Variants in SPOCD1 observed in about 807,000 individuals in gnomAD.
The protein encoded by SPOCD1 is SPOC domain containing 1.
Under a neutral mutation model 92.2 loss-of-function variants are expected in SPOCD1, and 64 were observed. That is an observed-to-expected ratio of 0.69 (90% confidence interval 0.57 to 0.86). The LOEUF is 0.86. Ranked by LOEUF, SPOCD1 falls within the 40% of genes least tolerant of loss-of-function variation. SPOCD1 has a pLI of 0.00. For synonymous variants in SPOCD1, 578 were observed against 619.3 expected, an observed-to-expected ratio of 0.93 and a Z score of 0.99; for missense variants, 1,360 against 1,543.1, an observed-to-expected ratio of 0.88 and a Z score of 1.99.
At chr1:31,801,756 C>CCAT in intron 2 of SPOCD1, 51 bp from the exon 3 acceptor site, 1 of 1,448,160 alleles carries the variant, frequency 6.9e-7, no homozygotes, top group Non-Finnish European at 9.7e-7. Flanking sequence ...CCCAGCCACC[C>CCAT]CATGGCAGGG....
rs200305003 is a variant in SPOCD1, at chr1:31,790,978, G to C, written c.3276C>G (p.Gly1092=). 6.3e-7 allele frequency: 1 copy of C among 1,578,440 alleles called. No individual in the cohort carries two copies. Among genetic ancestry groups the C allele is most frequent in the African/African-American group, 1.4e-5 (1 of 73,766 alleles). ...GISAWQRPPR[G]RGRLWPEPEN... ...CAGGCTCTGGCCAGAGCCTCCCCCT[G>C]CCTCTGGGGGGCCTCTGCCAAGCAG... The change falls in exon 16 of 16, where the codon GGC becomes GGG. Residue 1092 remains glycine (G), a synonymous_variant. Transcript: ENST00000360482.
intron 10 of SPOCD1, chr1:31,796,156 C>T (rs754814784): frequency 2.5e-5 from 7 of 278,800 alleles, no homozygotes; most frequent in African/African-American, 4.4e-5. Context: ...GATGGACTGC[C>T]AGGGTGCCGG....
intron 2 of SPOCD1, among the ~76,000 whole-genome samples, chr1:31,805,992 T>C (rs1456271765): frequency 6.6e-6 from 1 of 151,812 alleles, no homozygotes; most frequent in Non-Finnish European, 1.5e-5. Flanking sequence ...ATAAAACAGA[T>C]TTTAAGGCAA....
chr1:31,813,533 G>A (rs1649339745), intron 2 of SPOCD1, among the ~76,000 whole-genome samples: 1 of 152,176 alleles, frequency 6.6e-6, no homozygotes, highest in African/African-American at 2.4e-5. Context: ...AAAGTGCTGG[G>A]ATTACAGGCG....
intron 10 of SPOCD1, 68 bp from the exon 11 acceptor site, chr1:31,794,303 A>G: frequency 9.0e-7 from 1 of 1,113,442 alleles, no homozygotes; most frequent in South Asian, 1.4e-5. Flanking sequence ...CTCCATGGGT[A>G]GGGGGCCCCA....
chr1:31,798,377 C>A lies in SPOCD1; in HGVS notation c.2029-54G>T. On this transcript the variant is annotated intron_variant, in intron 8 of 15. Transcript: ENST00000360482. This position sits in a 1 kb window ranked among gnomAD's most constrained non-coding sequence, Gnocchi z 4.1. ...CACACGCTGAAAGAGCTCCCCCACC[C>A]TAGCATCCTGCAGGGGCTCTGAGAT... The A allele has an allele frequency of 1.9e-6, 3 of 1,594,894 alleles. No individual in the cohort carries two copies. The highest frequency in any genetic ancestry group is 2.6e-6 in the Non-Finnish European group (3 of 1,168,884).
At chr1:31,799,558 G>A in intron 6 of SPOCD1, 73 bp from the exon 7 acceptor site, 1 of 1,365,532 alleles carries the variant, frequency 7.3e-7, no homozygotes, top group Non-Finnish European at 1.0e-6. Context: ...CAAGGCTGAT[G>A]GGTTTAGGCA....
At chr1:31,803,699 C>A (rs992396413) in intron 2 of SPOCD1, among the ~76,000 whole-genome samples, 1 of 151,220 alleles carries the variant, frequency 6.6e-6, no homozygotes, top group African/African-American at 2.4e-5. Context: ...TATGATCACA[C>A]CACTGTACTC....
intron 2 of SPOCD1, among the ~76,000 whole-genome samples, chr1:31,808,464 T>C (rs1233189545): frequency 1.3e-5 from 2 of 150,444 alleles, no homozygotes; most frequent in Admixed American, 6.6e-5. Context: ...ATAATTATAA[T>C]AATTGTAAAT....
intron 2 of SPOCD1, among the ~76,000 whole-genome samples, chr1:31,812,131 T>C (rs1220779721): frequency 6.6e-6 from 1 of 152,216 alleles, no homozygotes; most frequent in Admixed American, 6.5e-5. Flanking sequence ...ATGTGTCATC[T>C]CATTTCATCC....
At chr1:31,797,959 T>C (rs969514499) in intron 9 of SPOCD1, among the ~76,000 whole-genome samples, 2 of 152,042 alleles carry the variant, frequency 1.3e-5, no homozygotes, top group African/African-American at 4.8e-5. Flanking sequence ...CCAGCTCAAC[T>C]GAAAACCAAG....
Position 31,815,320 on chromosome 1 carries a change from C to T in SPOCD1, c.14G>A (p.Gly5Glu), listed in dbSNP as rs1570219200. Residue 5 changes from glycine (G) to glutamate (E), a missense_variant, in exon 2 of 16, where the codon GGG (glycine) becomes GAG (glutamate). Coordinates refer to ENST00000360482, the MANE Select transcript of SPOCD1 (RefSeq NM_144569.7). ...TCCTGTGCTGGGGCCTTCTACGTCC[C>T]CCGCCTGGGACATGTCTGTCCACCT... The part of the protein sequence containing the change: MSQA[G>E]DVEGPSTGDP... 2 of 1,548,862 alleles carry T rather than the reference C, an allele frequency of 1.3e-6. No individual in the cohort carries two copies. Among genetic ancestry groups the T allele is most frequent in the South Asian group, 2.4e-5 (2 of 82,630 alleles).
chr1:31,800,842 C>T (rs1274716658), intron 3 of SPOCD1, among the ~76,000 whole-genome samples: 2 of 152,216 alleles, frequency 1.3e-5, no homozygotes, highest in Non-Finnish European at 2.9e-5. Flanking sequence ...GCCTCTGTCC[C>T]AGGAGAGGGG....
At chr1:31,799,273 A>G in intron 7 of SPOCD1, 128 bp downstream of exon 7, 3 of 792,250 alleles carry the variant, frequency 3.8e-6, no homozygotes, top group South Asian at 3.3e-5. Context: ...TGGGCAAGGG[A>G]CCTGGCACAG....
rs552363640 is a variant in SPOCD1, at chr1:31,802,005, T to G, written c.1384-300A>C. Among the ~76,000 whole-genome samples, 3 of 152,170 alleles carry G rather than the reference T, an allele frequency of 2.0e-5. No individual in the cohort carries two copies. The East Asian group carries it at 5.8e-4, about 29-fold the overall frequency. The stretch of plus-strand genomic sequence containing the variant: ...CAACCTGGTGAAACCCCGTCTCTAC[T>G]AAAAATACAAAAATTAGCTGAGCAT... On this transcript the variant is annotated intron_variant, in intron 2 of 15. Transcript: ENST00000360482.
Position 31,800,521 on chromosome 1 carries a change from T to C in SPOCD1, c.1522A>G (p.Met508Val), listed in dbSNP as rs756394601. 3 of 1,612,522 alleles carry C rather than the reference T, an allele frequency of 1.9e-6. No homozygotes were observed. Among genetic ancestry groups the C allele is most frequent in the Non-Finnish European group, 2.5e-6 (3 of 1,179,474 alleles). ...GCAGGTGAGGGTGAGCTGACCTCCA[T>C]CAAGTCCTCTAGAACCTCCAGCTTT... Reference protein sequence around the residue: ...PPKLEVLEDLMEVSSPSPAQR... With the variant: ...PPKLEVLEDLVEVSSPSPAQR... The change falls in exon 4 of 16, where the codon ATG becomes GTG. Residue 508 changes from methionine (M) to valine (V), a missense_variant. By Grantham distance (21) the Met-to-Val change is conservative. Transcript: ENST00000360482.
intron 6 of SPOCD1, 70 bp downstream of exon 6, chr1:31,799,739 C>T (rs1339308855): frequency 1.9e-6 from 3 of 1,564,568 alleles, no homozygotes; most frequent in East Asian, 2.2e-5. Context: ...GGCCCAGGAG[C>T]TGGGCCTGAG....
At position 31,790,618 on chromosome 1, in the gene SPOCD1, G is replaced by A; in HGVS notation, c.3636C>T (p.Phe1212=). Residue 1212 remains phenylalanine (F), a synonymous_variant, in exon 16 of 16, where the codon TTC becomes TTT. Coordinates refer to ENST00000360482, the MANE Select transcript of SPOCD1 (RefSeq NM_144569.7). ...PTDEAGSECP[F]PRKA is the part of the protein sequence containing the mutation. ...GTAAGGAGGGTCAGGCCTTTCTAGG[G>A]AAGGGACACTCAGAGCCAGCTTCAT... The A allele has an allele frequency of 6.4e-7, 1 of 1,551,772 alleles. No individual in the cohort carries two copies. Among genetic ancestry groups the A allele is most frequent in the South Asian group, 1.2e-5 (1 of 84,060 alleles).
chr1:31,813,850 A>T, intron 2 of SPOCD1, 101 bp downstream of exon 2: 3 of 1,087,466 alleles, frequency 2.8e-6, no homozygotes, highest in Non-Finnish European at 3.8e-6. Flanking sequence ...AATGTTCATG[A>T]AGCGCCCATC....
Sources: gnomAD v4.1 joint callset for allele counts (sites outside exome capture counted in the v4.1 genomes callset) on GRCh38, gnomAD v4.1.1 for gene constraint, Gnocchi (gnomAD v3.1) non-coding constraint, MANE v1.5 for transcripts, NCBI Gene and HGNC (gene_info 2026-07-23, HGNC 2026-07-21) for gene names.